The following AGBL4 variants were observed in gnomAD, a reference collection of about 807,000 sequenced individuals.
AGBL4 encodes AGBL carboxypeptidase 4.
In AGBL4, 58 loss-of-function variants were observed where a neutral mutation model predicts 66.4. That is an observed-to-expected ratio of 0.87 (90% CI 0.71 to 1.09). AGBL4 has a LOEUF of 1.09. Ranked by LOEUF, AGBL4 falls within the 50% of genes least tolerant of loss-of-function variation. The pLI is 0.00. For missense variants in AGBL4, 579 were observed against 631.0 expected, an observed-to-expected ratio of 0.92 and a Z score of 0.88; for synonymous variants, 234 against 222.9, an observed-to-expected ratio of 1.05 and a Z score of -0.44.
At chr1:49,648,484 T>C (rs939880190) in intron 3 of AGBL4, among the ~76,000 whole-genome samples, 1 of 152,022 alleles carries the variant, frequency 6.6e-6, no homozygotes, top group South Asian at 2.1e-4. Flanking sequence ...CCAAAGTTAA[T>C]GTCAGACACA....
At chr1:48,851,372 C>A (rs1317319874) in intron 6 of AGBL4, among the ~76,000 whole-genome samples, 3 of 152,138 alleles carry the variant, frequency 2.0e-5, no homozygotes, top group Non-Finnish European at 4.4e-5. Flanking sequence ...CCAACACGAG[C>A]ATGTTTCTGA....
chr1:49,007,710 G>A (rs1449452881), intron 5 of AGBL4, among the ~76,000 whole-genome samples: 2 of 151,190 alleles, frequency 1.3e-5, no homozygotes, highest in African/African-American at 4.8e-5. Context: ...AGAAGAGAGT[G>A]GGGGCCAATA....
intron 3 of AGBL4, among the ~76,000 whole-genome samples, chr1:49,294,389 G>C (rs1385035986): frequency 6.6e-6 from 1 of 152,132 alleles, no homozygotes; most frequent in East Asian, 1.9e-4. Context: ...ATAAACTGAG[G>C]TCATTCTCTT....
rs529897941 is a variant in AGBL4, at chr1:49,979,477, A to C, written c.34+44286T>G. Among the ~76,000 whole-genome samples, 17 of 152,288 alleles carry C rather than the reference A, an allele frequency of 1.1e-4. No individual in the cohort carries two copies. The East Asian group carries it at 3.3e-3, about 29-fold the overall frequency. The stretch of plus-strand genomic sequence containing the variant: ...AGCGAGACTCCGCCTCAAAAAAAAA[A>C]AAAAACTTACAACCTGTTATAGACA... On this transcript the variant is annotated intron_variant, in intron 1 of 13. Transcript: ENST00000371839.
At chr1:48,618,494 T>C (rs1311205040) in intron 9 of AGBL4, among the ~76,000 whole-genome samples, 2 of 152,144 alleles carry the variant, frequency 1.3e-5, no homozygotes, top group Non-Finnish European at 2.9e-5. Flanking sequence ...GCTGAAGTGT[T>C]CTCTCTATAT....
intron 3 of AGBL4, among the ~76,000 whole-genome samples, chr1:49,496,618 T>C (rs1228714921): frequency 6.6e-6 from 1 of 151,042 alleles, no homozygotes; most frequent in Non-Finnish European, 1.5e-5. Context: ...AGTAATATTA[T>C]GCAGTATTTG....
chr1:48,782,084 A>C (rs1645308687), intron 6 of AGBL4, among the ~76,000 whole-genome samples: 1 of 152,198 alleles, frequency 6.6e-6, no homozygotes, highest in Non-Finnish European at 1.5e-5. Context: ...GCTTGTGGTT[A>C]TATTTCAATT....
chr1:49,006,921 TG>T (rs1418287379), intron 5 of AGBL4, among the ~76,000 whole-genome samples: 1 of 113,554 alleles, frequency 8.8e-6, no homozygotes, highest in Non-Finnish European at 2.0e-5. Flanking sequence ...ACCACAAAGA[TG>T]GGGAAAAAAC....
At chr1:48,969,780 T>C (rs1658759951) in intron 5 of AGBL4, among the ~76,000 whole-genome samples, 1 of 152,198 alleles carries the variant, frequency 6.6e-6, no homozygotes, top group Non-Finnish European at 1.5e-5. Context: ...CAATCTACCC[T>C]ATAGGATTGC....
At chr1:48,672,474 G>C (rs1646292115) in intron 6 of AGBL4, among the ~76,000 whole-genome samples, 1 of 152,220 alleles carries the variant, frequency 6.6e-6, no homozygotes, top group African/African-American at 2.4e-5. Flanking sequence ...ACAACCACTT[G>C]TCAAGGAACA....
intron 4 of AGBL4, among the ~76,000 whole-genome samples, chr1:49,137,822 C>T (rs1011215472): frequency 6.6e-6 from 1 of 151,996 alleles, no homozygotes; most frequent in African/African-American, 2.4e-5. Context: ...AAATCAAGAC[C>T]TACAAAACCA....
At chr1:49,173,207 C>A (rs1398300653) in intron 4 of AGBL4, among the ~76,000 whole-genome samples, 1 of 151,988 alleles carries the variant, frequency 6.6e-6, no homozygotes. Context: ...GGAAAAAGAA[C>A]AATCTTTTAT....
chr1:49,372,661 TTCTTTC>T (rs1432153213), intron 3 of AGBL4, among the ~76,000 whole-genome samples: 6 of 131,508 alleles, frequency 4.6e-5, no homozygotes, highest in Non-Finnish European at 9.7e-5. Flanking sequence ...CTTTCTTTCT[TTCTTTC>T]TTTCTTTCTT....
At chr1:49,937,241 A>C (rs187743920) in intron 1 of AGBL4, among the ~76,000 whole-genome samples, 1 of 151,854 alleles carries the variant, frequency 6.6e-6, no homozygotes, top group Non-Finnish European at 1.5e-5. Context: ...AAGAGACAAA[A>C]AAGGCCATTA....
At chr1:49,649,592 T>G (rs1571247442) in intron 3 of AGBL4, among the ~76,000 whole-genome samples, 1 of 152,248 alleles carries the variant, frequency 6.6e-6, no homozygotes, top group South Asian at 2.1e-4. Flanking sequence ...GATATAGTTT[T>G]TAGCTCAACA....
intron 1 of AGBL4, among the ~76,000 whole-genome samples, chr1:49,886,077 A>T (rs907215186): frequency 7.2e-5 from 11 of 152,154 alleles, no homozygotes; most frequent in African/African-American, 2.7e-4. Context: ...TTTTACAGTA[A>T]GTGATTTCCC....
chr1:48,687,388 G>C (rs61698651), intron 6 of AGBL4, among the ~76,000 whole-genome samples: 1,654 of 152,280 alleles, frequency 0.011, 30 homozygotes, highest in African/African-American at 0.037. Flanking sequence ...GGCCCCGGTG[G>C]GCCGCGGGTG....
chr1:49,304,924 CTAAA>C (rs778767241), intron 3 of AGBL4, among the ~76,000 whole-genome samples: 4 of 152,224 alleles, frequency 2.6e-5, no homozygotes, highest in Admixed American at 6.5e-5. Flanking sequence ...GTAATTTGAA[CTAAA>C]TAAACTATTT....
chr1:49,715,711 G>A (rs866878988), intron 2 of AGBL4, among the ~76,000 whole-genome samples: 1 of 152,116 alleles, frequency 6.6e-6, no homozygotes, highest in South Asian at 2.1e-4. Context: ...AATGACCAGT[G>A]ATGATGAGCC....
Sources: gnomAD v4.1 joint callset for allele counts (sites outside exome capture counted in the v4.1 genomes callset) on GRCh38, gnomAD v4.1.1 for gene constraint, MANE v1.5 for transcripts, NCBI Gene and HGNC (gene_info 2026-07-23, HGNC 2026-07-21) for gene names.